CSMD3: variants seen among roughly 807,000 people sequenced by gnomAD.
CSMD3 encodes the protein CUB and Sushi multiple domains 3.
Under a neutral mutation model 435.2 loss-of-function variants are expected in CSMD3, and 177 were observed. The ratio of observed to expected loss-of-function variants is 0.41; its 90% confidence interval spans 0.36 to 0.46. The LOEUF is 0.46. CSMD3 is among the 20% of genes least tolerant of loss of function. The pLI, the probability that CSMD3 is intolerant of heterozygous loss-of-function variation, is 0.34. For missense variants in CSMD3, 4,265 were observed against 4,504.6 expected (o/e 0.95, Z 1.52); for synonymous variants, 1,656 against 1,520.5 (o/e 1.09, Z -2.07).
chr8:113,366,882 C>T (rs146080906), intron 1 of CSMD3, among the ~76,000 whole-genome samples: 198 of 152,034 alleles, frequency 1.3e-3, no homozygotes, highest in African/African-American at 4.4e-3. Context: ...ACTAGAGTTA[C>T]GGAAATCATT....
rs139595222 is a variant in CSMD3 at position 112,951,442 on chromosome 8, A to G, written c.1420+3242T>C. On this transcript the variant is annotated intron_variant, in intron 8 of 70. Transcript: ENST00000297405. ...GACTCTGACTAAAATTCACCTCCAC[A>G]TTACCTCTTCCAGCTGCTTACATTG... Among the ~76,000 whole-genome samples the G allele has an allele frequency of 6.7e-3, 1,016 of 151,920 alleles. 12 individuals carry two copies. The highest frequency in any genetic ancestry group is 0.023 in the African/African-American group (971 of 41,526).
chr8:112,385,943 T>C (rs1287517054), intron 36 of CSMD3, among the ~76,000 whole-genome samples: 1 of 151,994 alleles, frequency 6.6e-6, no homozygotes, highest in African/African-American at 2.4e-5. Flanking sequence ...AATACTACCG[T>C]ATATGGAAAA....
intron 6 of CSMD3, among the ~76,000 whole-genome samples, chr8:113,004,338 GA>G (rs1362070336): frequency 3.9e-5 from 6 of 151,928 alleles, no homozygotes; most frequent in African/African-American, 1.4e-4. Flanking sequence ...AATGTAGCAT[GA>G]AAATACATTA....
Position 112,254,341 on chromosome 8 carries a change from A to T in CSMD3, c.10037-15T>A, listed in dbSNP as rs1357772035. On this transcript the variant is annotated splice_polypyrimidine_tract_variant and intron_variant, in intron 62 of 70. Transcript: ENST00000297405. ...TTGGGTAGGCTCTAAAATGAAGATT[A>T]AAAAGATATTAGTCCTTTAAAATTT... 2.5e-6 allele frequency: 4 copies of T among 1,575,248 alleles called. No homozygotes were observed. The African/African-American group carries it at 4.0e-5, about 16-fold the overall frequency.
chr8:112,950,532 T>A (rs1484624182), intron 8 of CSMD3, among the ~76,000 whole-genome samples: 1 of 152,026 alleles, frequency 6.6e-6, no homozygotes, highest in Non-Finnish European at 1.5e-5. Context: ...TTGTTAAATA[T>A]TTTATATAAA....
intron 35 of CSMD3, among the ~76,000 whole-genome samples, chr8:112,396,101 C>T (rs1830836943): frequency 6.6e-6 from 1 of 151,826 alleles, no homozygotes; most frequent in Non-Finnish European, 1.5e-5. Flanking sequence ...TTTAGTATGT[C>T]AGTGTGTGCA....
intron 9 of CSMD3, among the ~76,000 whole-genome samples, chr8:112,940,926 A>C (rs1043025266): frequency 6.6e-6 from 1 of 151,850 alleles, no homozygotes; most frequent in African/African-American, 2.4e-5. Context: ...AATCAATTCA[A>C]TTAATTACAT....
chr8:113,435,029 C>T lies in CSMD3; in HGVS notation c.178+1648G>A, dbSNP rs575380295. Among the ~76,000 whole-genome samples the T allele has an allele frequency of 3.6e-4, 55 of 152,364 alleles. No individual in the cohort carries two copies. In the South Asian group the frequency reaches 0.011, roughly 29 times the overall value. On this transcript the variant is annotated intron_variant, in intron 1 of 70. Coordinates refer to ENST00000297405, the MANE Select transcript of CSMD3 (RefSeq NM_198123.2). ...TCGCGCCTCCCCCACGCGAAGCGCG[C>T]GTCTAGCAGGCAGCCCCAGGGCCAT... is the stretch of plus-strand genomic sequence containing the variant.
At chr8:112,651,460 A>C (rs779508614) in intron 18 of CSMD3, among the ~76,000 whole-genome samples, 7 of 152,094 alleles carry the variant, frequency 4.6e-5, no homozygotes, top group Non-Finnish European at 1.0e-4. Context: ...CAATAGAGAC[A>C]ATTTTATCTT....
chr8:112,952,775 AT>A (rs1274566170), intron 8 of CSMD3, among the ~76,000 whole-genome samples: 1 of 151,624 alleles, frequency 6.6e-6, no homozygotes, highest in African/African-American at 2.4e-5. Context: ...TGCAAAATTT[AT>A]TTTAAAATTA....
At chr8:112,720,717 T>C (rs2076839666) in intron 13 of CSMD3, among the ~76,000 whole-genome samples, 2 of 152,168 alleles carry the variant, frequency 1.3e-5, no homozygotes, top group South Asian at 4.1e-4. Context: ...TGCCGGATTC[T>C]GGCAATATAA....
At chr8:112,922,902 A>G (rs1458639779) in intron 9 of CSMD3, among the ~76,000 whole-genome samples, 1 of 152,108 alleles carries the variant, frequency 6.6e-6, no homozygotes, top group Non-Finnish European at 1.5e-5. Flanking sequence ...AGCAACCTTA[A>G]AAGTTTACAT....
intron 45 of CSMD3, among the ~76,000 whole-genome samples, chr8:112,321,103 G>A (rs560544967): frequency 6.6e-6 from 1 of 151,688 alleles, no homozygotes; most frequent in Non-Finnish European, 1.5e-5. Context: ...TTCTAAAAAT[G>A]TACTATACTC....
intron 3 of CSMD3, among the ~76,000 whole-genome samples, chr8:113,191,310 C>T (rs2092581558): frequency 6.6e-6 from 1 of 151,692 alleles, no homozygotes; most frequent in Non-Finnish European, 1.5e-5. Context: ...TTGTGTGATA[C>T]TGCTGTTTGA....
intron 35 of CSMD3, among the ~76,000 whole-genome samples, chr8:112,391,403 A>C (rs1563883042): frequency 6.6e-6 from 1 of 152,140 alleles, no homozygotes; most frequent in East Asian, 1.9e-4. Flanking sequence ...ATCACATATG[A>C]AGAGATGAAG....
chr8:112,765,853 G>T (rs968238192), intron 13 of CSMD3, among the ~76,000 whole-genome samples: 5 of 151,698 alleles, frequency 3.3e-5, no homozygotes, highest in Non-Finnish European at 5.9e-5. Context: ...AAGGAATATT[G>T]CATGCTTCAC....
intron 24 of CSMD3, among the ~76,000 whole-genome samples, chr8:112,560,236 G>A (rs562223436): frequency 6.6e-6 from 1 of 151,802 alleles, no homozygotes; most frequent in Admixed American, 6.6e-5. Flanking sequence ...GTCTTTCCTA[G>A]TCTCTATTAA....
chr8:113,261,628 G>A (rs1351043413), intron 3 of CSMD3, among the ~76,000 whole-genome samples: 6 of 151,954 alleles, frequency 3.9e-5, no homozygotes, highest in Non-Finnish European at 8.8e-5. Flanking sequence ...TTACCTCATT[G>A]GCAACATTGT....
intron 38 of CSMD3, among the ~76,000 whole-genome samples, chr8:112,362,022 C>A (rs774751427): frequency 1.3e-4 from 19 of 151,988 alleles, no homozygotes; most frequent in Non-Finnish European, 2.9e-5. Flanking sequence ...TATCATTTCA[C>A]ATTCCACATC....
Sources: gnomAD v4.1 joint callset for allele counts (sites outside exome capture counted in the v4.1 genomes callset) on GRCh38, gnomAD v4.1.1 for gene constraint, MANE v1.5 for transcripts, NCBI Gene and HGNC (gene_info 2026-07-23, HGNC 2026-07-21) for gene names.